The following SFMBT1 variants were observed in gnomAD, a reference collection of about 807,000 sequenced individuals.
SFMBT1 encodes the protein scm-like with four MBT domains protein 1.
A neutral mutation model predicts 108.7 loss-of-function variants in SFMBT1; 32 were observed. That is an observed-to-expected ratio of 0.29 (90% CI 0.22 to 0.40). The LOEUF is 0.40. SFMBT1 is among the 10% of genes least tolerant of loss of function. The pLI, the probability that SFMBT1 is intolerant of heterozygous loss-of-function variation, is 1.00. For synonymous variants in SFMBT1, 348 were observed against 369.5 expected (o/e 0.94, Z 0.67); for missense variants, 816 against 1,059.6 (o/e 0.77, Z 3.19).
At chr3:52,938,413 C>T (rs1463194916) in intron 4 of SFMBT1, among the ~76,000 whole-genome samples, 4 of 151,966 alleles carry the variant, frequency 2.6e-5, no homozygotes, top group African/African-American at 9.7e-5. Flanking sequence ...AAGTCTCTTT[C>T]GTCATATAGA....
At position 53,039,657 on chromosome 3, in the gene SFMBT1, CAG is replaced by C. The variant is rs1699972616; in HGVS notation, c.-131+6157_-131+6158del. On this transcript the variant is annotated intron_variant, in intron 1 of 20. Coordinates refer to ENST00000394752, the MANE Select transcript of SFMBT1 (RefSeq NM_016329.4). Reference sequence around the variant, plus strand: ...ATAACTTACCACAACCATACGTTTACAGAGTCTCTCTCTGTTGCCCAAGCTGG... The same window carrying C: ...ATAACTTACCACAACCATACGTTTACAGTCTCTCTCTGTTGCCCAAGCTGG... Among the ~76,000 whole-genome samples the C allele has an allele frequency of 2.6e-5, 4 of 152,270 alleles. No homozygotes were observed. The South Asian group carries it at 8.3e-4, about 32-fold the overall frequency.
At chr3:53,002,494 T>A (rs1163854720) in intron 1 of SFMBT1, among the ~76,000 whole-genome samples, 1 of 150,096 alleles carries the variant, frequency 6.7e-6, no homozygotes, top group Non-Finnish European at 1.5e-5. Context: ...TATTTCAAAT[T>A]ATAATAACTT....
intron 17 of SFMBT1, 74 bp from the exon 18 acceptor site, chr3:52,907,807 T>A: frequency 1.5e-6 from 2 of 1,368,038 alleles, no homozygotes; most frequent in Non-Finnish European, 2.0e-6. Context: ...AGAGATTTTA[T>A]TAGCATAGCA....
At chr3:53,024,790 C>T (rs1699432770) in intron 1 of SFMBT1, among the ~76,000 whole-genome samples, 1 of 152,090 alleles carries the variant, frequency 6.6e-6, no homozygotes, top group African/African-American at 2.4e-5. Context: ...ACAGAAACTT[C>T]GAAGGGACTC....
rs769084473 is a variant in SFMBT1, at chr3:52,907,650, C to T, written c.1990G>A (p.Ala664Thr). The T allele has an allele frequency of 6.2e-7, 1 of 1,614,154 alleles. No homozygotes were observed. The highest frequency in any genetic ancestry group is 2.2e-5 in the East Asian group (1 of 44,876). The change falls in exon 18 of 21, where the codon GCC becomes ACC. Residue 664 changes from alanine to threonine, a missense_variant. Ala to Thr is a moderately conservative substitution (Grantham distance 58, BLOSUM62 0). Around this residue, in one of 5 missense-constraint regions of SFMBT1, gnomAD observed 177 missense variants for 182.0 expected, o/e 0.97. Transcript: ENST00000394752. ...TTCCGCCTCTTTCTCCTCTTACTGG[C>T]TTTTTTCAGGGCACAAGCTAAGTTA... is the stretch of plus-strand genomic sequence containing the variant. Reference protein sequence around the residue: ...HSNLACALKKASKRRKRRKNV... With the variant: ...HSNLACALKKTSKRRKRRKNV...
At chr3:52,912,152 T>C (rs1702231544) in intron 16 of SFMBT1, among the ~76,000 whole-genome samples, 1 of 152,142 alleles carries the variant, frequency 6.6e-6, no homozygotes, top group Admixed American at 6.6e-5. Context: ...GCTTCTGATA[T>C]TATCCACAGA....
At chr3:53,020,086 G>A (rs770685768) in intron 1 of SFMBT1, among the ~76,000 whole-genome samples, 15 of 150,668 alleles carry the variant, frequency 1.0e-4, no homozygotes, top group Admixed American at 2.0e-4. Flanking sequence ...TTTTCTTGCC[G>A]TGGCCAGTGA....
rs1394190578 is a variant in SFMBT1, at chr3:52,996,114, A to G, written c.-130-26856T>C. 3.3e-5 allele frequency among the ~76,000 whole-genome samples: 5 copies of G among 150,170 alleles called. No individual in the cohort carries two copies. The East Asian group carries it at 9.7e-4, about 29-fold the overall frequency. ...TGCTCTTCAAAGACACAATGAAGAA[A>G]AAAGACAAGCCAGAGGCTTAAAAAG... On this transcript the variant is annotated intron_variant, in intron 1 of 20. Transcript: ENST00000394752.
intron 1 of SFMBT1, among the ~76,000 whole-genome samples, chr3:53,030,226 G>T (rs977956910): frequency 2.0e-5 from 3 of 152,088 alleles, no homozygotes; most frequent in African/African-American, 7.2e-5. Flanking sequence ...TGAAAAGAGC[G>T]AAGTGCAAAA....
chr3:53,042,185 T>C (rs1700079966), intron 1 of SFMBT1, among the ~76,000 whole-genome samples: 1 of 152,248 alleles, frequency 6.6e-6, no homozygotes, highest in African/African-American at 2.4e-5. Context: ...AAAAAGCCAA[T>C]GAAGTTTGTA....
At position 52,954,446 on chromosome 3, in the gene SFMBT1, C is replaced by T. The variant is rs74886267; in HGVS notation, c.29-35G>A. ...AAAATAAAACAAAAACAGGTGAATCCCAATTAAAGAAAACTCAAGGTATAA... is the reference window on the plus strand; with the variant it reads ...AAAATAAAACAAAAACAGGTGAATCTCAATTAAAGAAAACTCAAGGTATAA... On this transcript the variant is annotated intron_variant, in intron 2 of 20. Coordinates refer to ENST00000394752, the MANE Select transcript of SFMBT1 (RefSeq NM_016329.4). The T allele has an allele frequency of 1.5e-3, 2,252 of 1,487,008 alleles. 34 individuals are homozygous for T. In the African/African-American group the frequency reaches 0.028, roughly 19 times the overall value. The allele number at this position is 1,487,008 out of a possible 1,614,324, so 92.1% of individuals were successfully genotyped here. A position where few individuals can be genotyped will look rare whatever the true frequency, so the allele number is the denominator to read the frequency against.
rs143540126 is a variant in SFMBT1 at position 52,907,023 on chromosome 3, T to G, written c.2331+46A>C. On this transcript the variant is annotated intron_variant, in intron 19 of 20. Transcript: ENST00000394752. ...CTAATAATCATATTCCAGATGGAAA[T>G]TCCAGAGAGAAAGAAAGAAAAAAGA... 6 of 1,561,900 alleles carry G rather than the reference T, an allele frequency of 3.8e-6. No homozygotes were observed. In the East Asian group the frequency reaches 1.3e-4, roughly 35 times the overall value.
chr3:52,926,086 G>A lies in SFMBT1; in HGVS notation c.1076C>T (p.Ala359Val). ...PGYPSQDFDWADYLKQCGAEA... is the reference protein window; with the variant it reads ...PGYPSQDFDWVDYLKQCGAEA... ...AGCACCACACTGTTTGAGGTAGTCA[G>A]CCCAGTCAAAGTCCTGGCTTGGGTA... The change falls in exon 10 of 21, where the codon GCT becomes GTT. Residue 359 changes from alanine (A) to valine (V), a missense_variant. Around this residue, in one of 5 missense-constraint regions of SFMBT1, gnomAD observed 495 missense variants for 607.4 expected, o/e 0.81. Coordinates refer to ENST00000394752, the MANE Select transcript of SFMBT1 (RefSeq NM_016329.4). 6.2e-7 allele frequency: 1 copy of A among 1,602,892 alleles called. No homozygotes were observed. Among genetic ancestry groups the A allele is most frequent in the Non-Finnish European group, 8.5e-7 (1 of 1,175,768 alleles).
intron 1 of SFMBT1, among the ~76,000 whole-genome samples, chr3:53,036,141 CA>C (rs1699862157): frequency 6.6e-6 from 1 of 152,314 alleles, no homozygotes; most frequent in African/African-American, 2.4e-5. Context: ...GCAGTGCTGA[CA>C]GCAACTCTGA....
chr3:52,967,368 A>G (rs1704182937), intron 2 of SFMBT1, among the ~76,000 whole-genome samples: 1 of 152,234 alleles, frequency 6.6e-6, no homozygotes, highest in African/African-American at 2.4e-5. Context: ...GAAAGCTGGA[A>G]TAGGTAAATC....
chr3:52,957,542 A>G (rs1272312503), intron 2 of SFMBT1, among the ~76,000 whole-genome samples: 1 of 152,250 alleles, frequency 6.6e-6, no homozygotes, highest in Non-Finnish European at 1.5e-5. Flanking sequence ...AGGTGAAGGC[A>G]TAGCCCTACC....
intron 1 of SFMBT1, among the ~76,000 whole-genome samples, chr3:52,982,729 CAAAAAAAAAAAAAAA>C (rs34099481): frequency 1.4e-5 from 1 of 69,124 alleles, no homozygotes; most frequent in African/African-American, 6.4e-5. Flanking sequence ...ACTCCCATCT[CAAAAAAAAAAAAAAA>C]AAAAAAAAAG....
At chr3:52,984,877 G>A (rs1011517467) in intron 1 of SFMBT1, among the ~76,000 whole-genome samples, 32 of 151,806 alleles carry the variant, frequency 2.1e-4, no homozygotes, top group Admixed American at 2.0e-3. Flanking sequence ...TTCGCAGCCC[G>A]GCTTCCTTAG....
At chr3:52,990,356 C>A (rs1214707767) in intron 1 of SFMBT1, among the ~76,000 whole-genome samples, 1 of 152,152 alleles carries the variant, frequency 6.6e-6, no homozygotes, top group Non-Finnish European at 1.5e-5. Flanking sequence ...ACAGGCTCAG[C>A]CACATCAAGT....
Sources: gnomAD v4.1 joint callset for allele counts (sites outside exome capture counted in the v4.1 genomes callset) on GRCh38, gnomAD v4.1.1 for gene constraint, gnomAD v4.1.1 regional missense constraint, MANE v1.5 for transcripts, NCBI Gene and HGNC (gene_info 2026-07-23, HGNC 2026-07-21) for gene names.